Variants in KCNIP4 observed in about 807,000 individuals in gnomAD.
The protein encoded by KCNIP4 is potassium voltage-gated channel interacting protein 4, also known as Kv channel-interacting protein 4.
KCNIP4 carries 12 observed loss-of-function variants against 34.0 expected under a neutral mutation model. The observed-to-expected ratio is 0.35, with a 90% CI of 0.23 to 0.57. The LOEUF is 0.57. Among genes scored for constraint, KCNIP4 ranks in the 20% least tolerant of loss-of-function variants. The pLI is 0.83. For missense variants in KCNIP4, 238 were observed against 311.7 expected, an observed-to-expected ratio of 0.76 and a Z score of 1.78; for synonymous variants, 124 against 102.2, an observed-to-expected ratio of 1.21 and a Z score of -1.29.
chr4:21,755,012 T>C (rs1369218581), intron 1 of KCNIP4, among the ~76,000 whole-genome samples: 2 of 152,086 alleles, frequency 1.3e-5, no homozygotes, highest in African/African-American at 4.8e-5. Context: ...CCAGGCATGG[T>C]CATGTGTGCC....
At chr4:21,565,359 T>C (rs1043217186) in intron 1 of KCNIP4, among the ~76,000 whole-genome samples, 1 of 152,092 alleles carries the variant, frequency 6.6e-6, no homozygotes, top group Non-Finnish European at 1.5e-5. Flanking sequence ...AGCCCTACCT[T>C]CATGATTTCA....
At chr4:20,883,358 A>T (rs1724926832) in intron 1 of KCNIP4, among the ~76,000 whole-genome samples, 1 of 152,228 alleles carries the variant, frequency 6.6e-6, no homozygotes, top group African/African-American at 2.4e-5. Flanking sequence ...TTCTGGAAGA[A>T]GCCAGACAAG....
chr4:21,604,393 G>T (rs1451804236), intron 1 of KCNIP4, among the ~76,000 whole-genome samples: 5 of 152,212 alleles, frequency 3.3e-5, no homozygotes, highest in Middle Eastern at 3.4e-3. Flanking sequence ...GACCATGTTT[G>T]CTCAGCTAGT....
chr4:21,700,297 T>C (rs550826645), intron 1 of KCNIP4, among the ~76,000 whole-genome samples: 3 of 152,382 alleles, frequency 2.0e-5, no homozygotes, highest in Non-Finnish European at 2.9e-5. Context: ...TATGCAGTGA[T>C]AGATCATTGT....
intron 1 of KCNIP4, among the ~76,000 whole-genome samples, chr4:21,519,697 T>TGTGTGTATGTATGTGTATATATACACAC (rs1735286659): frequency 6.9e-6 from 1 of 145,846 alleles, no homozygotes; most frequent in South Asian, 2.2e-4. Context: ...TATACACACG[T>TGTGTGTATGTATGTGTATATATACACAC]GTGTGTATGT....
At chr4:21,823,272 G>A (rs184720778) in intron 1 of KCNIP4, among the ~76,000 whole-genome samples, 107 of 151,778 alleles carry the variant, frequency 7.0e-4, no homozygotes, top group South Asian at 6.2e-4. Context: ...ACAGTACTTC[G>A]CCATTTTATA....
chr4:21,514,497 A>C (rs527599284), intron 1 of KCNIP4, among the ~76,000 whole-genome samples: 13 of 152,334 alleles, frequency 8.5e-5, no homozygotes, highest in African/African-American at 3.1e-4. Flanking sequence ...GTATGTTTCC[A>C]CAGAGAACTC....
chr4:20,998,372 G>A (rs578038682), intron 1 of KCNIP4, among the ~76,000 whole-genome samples: 2 of 152,280 alleles, frequency 1.3e-5, no homozygotes, highest in East Asian at 3.9e-4. Context: ...CCATTTCTAT[G>A]TGTGTGTACA....
At chr4:21,762,921 A>G in intron 1 of KCNIP4, 1 of 1,288,406 alleles carries the variant, frequency 7.8e-7, no homozygotes, top group South Asian at 1.2e-5. Flanking sequence ...AAGGACTCAC[A>G]TGATGATCTG....
intron 1 of KCNIP4, among the ~76,000 whole-genome samples, chr4:21,691,916 C>G (rs970294921): frequency 4.0e-5 from 6 of 151,800 alleles, no homozygotes; most frequent in Non-Finnish European, 5.9e-5. Flanking sequence ...GTCAGGCTAG[C>G]CTCAAACTCC....
intron 1 of KCNIP4, among the ~76,000 whole-genome samples, chr4:21,032,737 C>A (rs1741127750): frequency 6.6e-6 from 1 of 150,666 alleles, no homozygotes; most frequent in Non-Finnish European, 1.5e-5. Context: ...AATGATAGTT[C>A]AGGAAACCTT....
chr4:21,798,528 AAAAAG>A (rs1720779352), intron 1 of KCNIP4, among the ~76,000 whole-genome samples: 1 of 135,682 alleles, frequency 7.4e-6, no homozygotes, highest in Non-Finnish European at 1.6e-5. Context: ...AAAAAAAAAA[AAAAAG>A]GAAAGAGAGA....
At chr4:21,874,686 C>G (rs1726002065) in intron 1 of KCNIP4, among the ~76,000 whole-genome samples, 1 of 152,110 alleles carries the variant, frequency 6.6e-6, no homozygotes, top group Non-Finnish European at 1.5e-5. Context: ...TCTTTTTTAC[C>G]CACAAATTGG....
chr4:21,024,768 T>C (rs1490001254), intron 1 of KCNIP4, among the ~76,000 whole-genome samples: 1 of 152,218 alleles, frequency 6.6e-6, no homozygotes, highest in African/African-American at 2.4e-5. Context: ...GGCTGTGCTT[T>C]CTGCTTTTTT....
intron 1 of KCNIP4, among the ~76,000 whole-genome samples, chr4:21,924,856 G>T (rs1285728284): frequency 2.0e-5 from 3 of 151,676 alleles, no homozygotes; most frequent in African/African-American, 7.3e-5. Flanking sequence ...ACTCCTCCCT[G>T]GCCCCCAATT....
intron 1 of KCNIP4, among the ~76,000 whole-genome samples, chr4:21,686,972 T>C (rs1019987617): frequency 1.3e-5 from 2 of 148,710 alleles, no homozygotes; most frequent in African/African-American, 5.0e-5. Context: ...ATATACACCA[T>C]GGAATACTAT....
At chr4:21,798,714 CT>C (rs1720801432) in intron 1 of KCNIP4, among the ~76,000 whole-genome samples, 1 of 151,776 alleles carries the variant, frequency 6.6e-6, no homozygotes, top group Non-Finnish European at 1.5e-5. Context: ...ACTTTCAATG[CT>C]AGATTTCAGC....
intron 1 of KCNIP4, among the ~76,000 whole-genome samples, chr4:21,234,497 T>C (rs1451830890): frequency 9.3e-6 from 1 of 107,396 alleles, no homozygotes; most frequent in Non-Finnish European, 1.7e-5. Context: ...GTATATAATA[T>C]ATATTACATA....
At chr4:21,010,690 T>C (rs1290370737) in intron 1 of KCNIP4, among the ~76,000 whole-genome samples, 5 of 152,222 alleles carry the variant, frequency 3.3e-5, no homozygotes, top group Non-Finnish European at 5.9e-5. Context: ...TTGAGACCAA[T>C]TACAATATAG....
Sources: allele counts gnomAD v4.1 joint callset (sites outside exome capture counted in the v4.1 genomes callset), GRCh38; gene constraint gnomAD v4.1.1; transcripts MANE v1.5; gene names NCBI Gene and HGNC (gene_info 2026-07-23, HGNC 2026-07-21).